CALR: variants seen among roughly 807,000 people sequenced by gnomAD.
CALR encodes CRP55.
CALR carries 15 observed loss-of-function variants against 51.1 expected under a neutral mutation model. The observed-to-expected ratio is 0.29, with a 90% CI of 0.20 to 0.45. CALR has a LOEUF of 0.45. Among genes scored for constraint, CALR ranks in the 20% least tolerant of loss-of-function variants. The probability of loss-of-function intolerance (pLI) is 1.00; values close to 1 mark genes in which losing one functional copy is unlikely to be tolerated. For synonymous variants in CALR, 239 were observed against 205.9 expected, an observed-to-expected ratio of 1.16 and a Z score of -1.38; for missense variants, 477 against 530.6, an observed-to-expected ratio of 0.90 and a Z score of 0.99.
At chr19:12,943,307 A>T in intron 7 of CALR, 1 of 558,440 alleles carries the variant, frequency 1.8e-6, no homozygotes, top group Admixed American at 2.9e-5. Context: ...GGTGGTCTCG[A>T]TCTCCTGACC....
intron 1 of CALR, 111 bp downstream of exon 1, chr19:12,938,881 C>G: frequency 5.5e-6 from 5 of 903,572 alleles, no homozygotes; most frequent in South Asian, 1.4e-5. Flanking sequence ...GGTGGCCTCC[C>G]GGGACTAGAG....
chr19:12,943,812 A>G lies in CALR; in HGVS notation c.1153A>G (p.Lys385Glu), dbSNP rs535789821. 6.3e-7 allele frequency: 1 copy of G among 1,583,788 alleles called. No individual in the cohort carries two copies. The highest frequency in any genetic ancestry group is 1.1e-5 in the South Asian group (1 of 87,772). ...KRKEEEEAED[K>E]EDDEDKDEDE... ...CAAAGAGGAGGAGGAGGCAGAGGAC[A>G]AGGAGGATGATGAGGACAAAGATGA... The change falls in exon 9 of 9, where the codon AAG (lysine) becomes GAG (glutamate). Residue 385 changes from lysine to glutamate, a missense_variant. Coordinates refer to ENST00000316448, the MANE Select transcript of CALR (RefSeq NM_004343.4).
Position 12,940,838 on chromosome 19 carries a change from G to C in CALR, c.911G>C (p.Ser304Thr). ...IDNPEYSPDP[S>T]IYAYDNFGVL... ...AACCCCGAGTATTCTCCCGATCCCA[G>C]TATCTATGCCTATGATAACTTTGGC... is the stretch of plus-strand genomic sequence containing the variant. Residue 304 changes from serine to threonine, a missense_variant, in exon 7 of 9, where the codon AGT (serine) becomes ACT (threonine). Physicochemically the swap from Ser to Thr is moderately conservative, Grantham distance 58. Transcript: ENST00000316448. The C allele has an allele frequency of 6.2e-7, 1 of 1,614,146 alleles. No individual in the cohort carries two copies. The highest frequency in any genetic ancestry group is 8.5e-7 in the Non-Finnish European group (1 of 1,180,002).
At position 12,939,408 on chromosome 19, in the gene CALR, T is replaced by G; in HGVS notation, c.194-20T>G. On this transcript the variant is annotated intron_variant, in intron 2 of 8. Transcript: ENST00000316448. ...CGCGAGTCAAGGCCCAACGGTGACC[T>G]CACTACCGTCCCGTCTCAGGTTTGC... The G allele has an allele frequency of 1.2e-6, 2 of 1,611,696 alleles. No individual in the cohort carries two copies. The highest frequency in any genetic ancestry group is 1.7e-6 in the Non-Finnish European group (2 of 1,179,486).
Position 12,941,795 on chromosome 19 carries a change from CAG to C in CALR, c.960+909_960+910del. Among the ~76,000 whole-genome samples the C allele has an allele frequency of 2.6e-5, 4 of 151,292 alleles. No individual in the cohort carries two copies. The Middle Eastern group carries it at 0.01, about 391-fold the overall frequency. ...ACCTCACCCAGCCTTTTTGTAGAGA[CAG>C]GGCTTCATGTTGCCCAGGTTGGTCT... On this transcript the variant is annotated intron_variant, in intron 7 of 8. Coordinates refer to ENST00000316448, the MANE Select transcript of CALR (RefSeq NM_004343.4).
Position 12,943,941 on chromosome 19 carries a change from G to A in CALR, c.*28G>A, listed in dbSNP as rs760999179. 2 of 1,603,944 alleles carry A rather than the reference G, an allele frequency of 1.2e-6. No individual in the cohort carries two copies. The highest frequency in any genetic ancestry group is 2.2e-5 in the East Asian group (1 of 44,600). ...AGGCCTGCCTCCAGGGCTGGACTGA[G>A]GCCTGAGCGCTCCTGCCGCAGAGCT... On this transcript the variant is annotated 3_prime_UTR_variant, in exon 9 of 9. Transcript: ENST00000316448.
Position 12,939,531 on chromosome 19 carries a change from T to C in CALR, c.297T>C (p.His99=), listed in dbSNP as rs1475687224. ...QTLVVQFTVK[H]EQNIDCGGGY... ...TGGTGGTGCAGTTCACGGTGAAACA[T>C]GAGCAGAACATCGACTGTGGGGGCG... The change falls in exon 3 of 9, where the codon CAT becomes CAC. Residue 99 remains histidine, a synonymous_variant. Transcript: ENST00000316448. The C allele has an allele frequency of 1.9e-6, 3 of 1,613,672 alleles. No individual in the cohort carries two copies. Among genetic ancestry groups the C allele is most frequent in the African/African-American group, 2.7e-5 (2 of 74,904 alleles).
chr19:12,939,358 C>G (rs998837499), intron 2 of CALR, 70 bp from the exon 3 acceptor site: 4 of 1,525,570 alleles, frequency 2.6e-6, no homozygotes, highest in Non-Finnish European at 3.6e-6. Flanking sequence ...GGGGAGTCTT[C>G]TCTATTCTCT....
At chr19:12,939,026 C>A in intron 1 of CALR, 108 bp from the exon 2 acceptor site, 1 of 760,502 alleles carries the variant, frequency 1.3e-6, no homozygotes. Flanking sequence ...TGGGGAGTGT[C>A]GGGGATCTCC....
rs1971601104 is a variant in CALR, at chr19:12,944,458, C to G, written c.*545C>G. 5.8e-6 allele frequency: 1 copy of G among 171,250 alleles called. No homozygotes were observed. Among genetic ancestry groups the G allele is most frequent in the Admixed American group, 6.4e-5 (1 of 15,708 alleles). 10.6% of individuals were successfully genotyped at this position (171,250 alleles called of 1,614,324 possible). On this transcript the variant is annotated 3_prime_UTR_variant, in exon 9 of 9. Coordinates refer to ENST00000316448, the MANE Select transcript of CALR (RefSeq NM_004343.4). ...ACACTGAGAATGTAAGAACTACAAA[C>G]AAAATTTCTATTAAATTAAATTTTG...
intron 8 of CALR, 34 bp downstream of exon 8, chr19:12,943,663 G>GGGCAGGGCT (rs1971579977): frequency 6.2e-7 from 1 of 1,614,032 alleles, no homozygotes; most frequent in African/African-American, 1.3e-5. Context: ...TGTCGGGGGC[G>GGGCAGGGCT]GGCAGGGCTG....
chr19:12,940,474 C>T (rs753227728), intron 5 of CALR, 22 bp downstream of exon 5: 126 of 1,613,706 alleles, frequency 7.8e-5, no homozygotes, highest in Non-Finnish European at 9.9e-5. Flanking sequence ...GGCAGGGGCT[C>T]TGCTCTCCAC....
Position 12,943,785 on chromosome 19 carries a change from C to G in CALR, c.1126C>G (p.Arg376Gly). ...RLKEEEEDKK[R>G]KEEEEAEDKE... is the part of the protein sequence containing the mutation. ...TAAGGAGGAGGAAGAAGACAAGAAA[C>G]GCAAAGAGGAGGAGGAGGCAGAGGA... Residue 376 changes from arginine to glycine, a missense_variant, in exon 9 of 9, where the codon CGC becomes GGC. Physicochemically the swap from Arg to Gly is moderately radical, Grantham distance 125. Transcript: ENST00000316448. 1.3e-6 allele frequency: 2 copies of G among 1,597,846 alleles called. No individual in the cohort carries two copies. The highest frequency in any genetic ancestry group is 1.1e-5 in the South Asian group (1 of 89,458).
intron 7 of CALR, among the ~76,000 whole-genome samples, chr19:12,941,197 A>G (rs1285470302): frequency 1.3e-5 from 2 of 152,070 alleles, no homozygotes; most frequent in Non-Finnish European, 2.9e-5. Context: ...CCTTACAATC[A>G]CGGTACTTTG....
At chr19:12,943,384 C>T (rs1263851757) in intron 7 of CALR, 153 bp from the exon 8 acceptor site, 1 of 739,378 alleles carries the variant, frequency 1.4e-6, no homozygotes, top group African/African-American at 1.7e-5. Flanking sequence ...CTGGCCTCTC[C>T]ATCTTTTTAA....
chr19:12,941,079 A>G (rs758919100), intron 7 of CALR, among the ~76,000 whole-genome samples, 192 bp downstream of exon 7: 6 of 152,160 alleles, frequency 3.9e-5, no homozygotes, highest in Non-Finnish European at 8.8e-5. Context: ...GCTGTGCACC[A>G]AGTACTTCCC....
chr19:12,939,731 C>T, intron 3 of CALR, 100 bp downstream of exon 3: 5 of 1,014,252 alleles, frequency 4.9e-6, no homozygotes, highest in Non-Finnish European at 7.8e-6. Flanking sequence ...GGAAGGGGAG[C>T]TAAAAGAATA....
Position 12,944,274 on chromosome 19 carries a change from T to C in CALR, c.*361T>C. 2.4e-6 allele frequency: 1 copy of C among 413,052 alleles called. No individual in the cohort carries two copies. Among genetic ancestry groups the C allele is most frequent in the Non-Finnish European group, 4.5e-6 (1 of 222,060 alleles). 25.6% of individuals were successfully genotyped at this position (413,052 alleles called of 1,614,324 possible). ...CACAGGCCTGAGATTTCATCTGCTC[T>C]CCTTCCTGGAGCCCAGAGGAGGGCA... is the stretch of plus-strand genomic sequence containing the variant. On this transcript the variant is annotated 3_prime_UTR_variant, in exon 9 of 9. Transcript: ENST00000316448.
Position 12,940,526 on chromosome 19 carries a change from T to TC in CALR, c.703-14dup. ...GACATCTGGGCCAACTCTGATCTCT[T>TC]CATCTACCCCCCAGGACTGGGACAA... On this transcript the variant is annotated splice_polypyrimidine_tract_variant and intron_variant, in intron 5 of 8. Transcript: ENST00000316448. The TC allele has an allele frequency of 6.2e-7, 1 of 1,613,808 alleles. No individual in the cohort carries two copies. The highest frequency in any genetic ancestry group is 8.5e-7 in the Non-Finnish European group (1 of 1,179,746).
Sources: gnomAD v4.1 joint callset for allele counts (sites outside exome capture counted in the v4.1 genomes callset) on GRCh38, gnomAD v4.1.1 for gene constraint, MANE v1.5 for transcripts, NCBI Gene and HGNC (gene_info 2026-07-23, HGNC 2026-07-21) for gene names.